FBXW7: variants seen among roughly 807,000 people sequenced by gnomAD.
FBXW7 encodes F-box and WD repeat domain containing 7.
A neutral mutation model predicts 86.3 loss-of-function variants in FBXW7; 11 were observed. The ratio of observed to expected loss-of-function variants is 0.13; its 90% CI spans 0.08 to 0.21. The LOEUF (loss-of-function observed/expected upper bound fraction) is 0.21, where lower values mean the gene tolerates loss of function less well. FBXW7 is among the 10% of genes least tolerant of loss of function. The probability of loss-of-function intolerance (pLI) is 1.00; values close to 1 mark genes in which losing one functional copy is unlikely to be tolerated. For synonymous variants in FBXW7, 313 were observed against 297.9 expected (o/e 1.05, Z -0.52); for missense variants, 488 against 847.4 (o/e 0.58, Z 5.27).
At chr4:152,387,239 C>A (rs1735600262) in intron 4 of FBXW7, among the ~76,000 whole-genome samples, 1 of 152,152 alleles carries the variant, frequency 6.6e-6, no homozygotes, top group African/African-American at 2.4e-5. Context: ...TCTGTGAATT[C>A]AGGCAACAAG....
chr4:152,338,011 A>G (rs890121221), intron 6 of FBXW7, 75 bp from the exon 7 acceptor site: 30 of 1,438,764 alleles, frequency 2.1e-5, no homozygotes, highest in Non-Finnish European at 2.6e-5. Context: ...GAAAACTCAC[A>G]TCTACACACA....
chr4:152,443,603 TA>T (rs1741106813), intron 2 of FBXW7, among the ~76,000 whole-genome samples: 1 of 152,204 alleles, frequency 6.6e-6, no homozygotes, highest in African/African-American at 2.4e-5. Context: ...CAATTCTTTT[TA>T]AAAACTTTGA....
At chr4:152,375,738 TATA>T (rs986752164) in intron 4 of FBXW7, among the ~76,000 whole-genome samples, 1 of 152,126 alleles carries the variant, frequency 6.6e-6, no homozygotes, top group Non-Finnish European at 1.5e-5. Context: ...TGCTTTAAAA[TATA>T]ATGTCTTGTA....
chr4:152,459,408 C>G (rs1029179743), intron 2 of FBXW7, among the ~76,000 whole-genome samples: 2 of 152,162 alleles, frequency 1.3e-5, no homozygotes, highest in Admixed American at 6.5e-5. Flanking sequence ...AGTATCATAG[C>G]CAAATCAGCT....
chr4:152,509,742 G>C (rs892614753), intron 2 of FBXW7, among the ~76,000 whole-genome samples: 1 of 152,130 alleles, frequency 6.6e-6, no homozygotes, highest in East Asian at 1.9e-4. Flanking sequence ...ATACAATTGT[G>C]AAACAATGAC....
intron 2 of FBXW7, among the ~76,000 whole-genome samples, chr4:152,531,525 ATTTT>A (rs920916957): frequency 1.3e-5 from 2 of 151,438 alleles, no homozygotes; most frequent in Non-Finnish European, 2.9e-5. Context: ...AAATGTCTAC[ATTTT>A]TTTAAATGCC....
chr4:152,393,573 G>A (rs76556930), intron 4 of FBXW7, among the ~76,000 whole-genome samples: 2,442 of 152,086 alleles, frequency 0.016, 76 homozygotes, highest in African/African-American at 0.056. Context: ...GCAGCATATC[G>A]GTAAAGTACA....
In FBXW7 at chr4:152,535,274, C is replaced by T. The variant is rs1001035776; in HGVS notation, c.-360G>A. The T allele has an allele frequency of 3.8e-6, 1 of 261,878 alleles. No individual in the cohort carries two copies. The highest frequency in any genetic ancestry group is 7.2e-6 in the Non-Finnish European group (1 of 138,674). The allele number at this position is 261,878 out of a possible 1,614,324, so 16.2% of individuals were successfully genotyped here. ...GGAGGCTGCGGCCGGCCCCCCGGGT[C>T]CCCCCCGGCCCCGCCGCCCTCGGGA... On this transcript the variant is annotated 5_prime_UTR_variant, in exon 1 of 14. Coordinates refer to ENST00000281708, the MANE Select transcript of FBXW7 (RefSeq NM_001349798.2).
intron 2 of FBXW7, among the ~76,000 whole-genome samples, chr4:152,533,049 G>A (rs1750157048): frequency 1.3e-5 from 2 of 152,066 alleles, no homozygotes; most frequent in African/African-American, 4.8e-5. Flanking sequence ...AATTAGCCAG[G>A]CGTGGTAGCA....
At chr4:152,479,554 T>C (rs1386785019) in intron 2 of FBXW7, among the ~76,000 whole-genome samples, 1 of 152,148 alleles carries the variant, frequency 6.6e-6, no homozygotes, top group East Asian at 1.9e-4. Context: ...TCCCACATCC[T>C]AGATTTGTCT....
intron 2 of FBXW7, among the ~76,000 whole-genome samples, chr4:152,440,229 T>C (rs533229903): frequency 1.1e-3 from 171 of 152,302 alleles, no homozygotes; most frequent in Non-Finnish European, 2.1e-3. Flanking sequence ...TTTATAATAA[T>C]GCCACAAGGA....
intron 2 of FBXW7, among the ~76,000 whole-genome samples, chr4:152,509,953 A>T (rs943903693): frequency 6.6e-6 from 1 of 152,214 alleles, no homozygotes; most frequent in East Asian, 1.9e-4. Context: ...TCACACATCC[A>T]TTTAGGCAAT....
chr4:152,397,613 T>G (rs1736527494), intron 4 of FBXW7, among the ~76,000 whole-genome samples: 1 of 148,858 alleles, frequency 6.7e-6, no homozygotes, highest in Admixed American at 6.8e-5. Context: ...TCTTACTGGC[T>G]GTTCATGACT....
At chr4:152,496,196 C>A (rs1045288429) in intron 2 of FBXW7, among the ~76,000 whole-genome samples, 2 of 152,000 alleles carry the variant, frequency 1.3e-5, no homozygotes, top group Non-Finnish European at 2.9e-5. Context: ...CAAACAAAAA[C>A]AACTAAGAAT....
intron 13 of FBXW7, 136 bp from the exon 14 acceptor site, chr4:152,323,285 T>C: frequency 9.6e-7 from 1 of 1,044,950 alleles, no homozygotes; most frequent in Non-Finnish European, 1.3e-6. Flanking sequence ...TAGAAACCCA[T>C]GTCCTCAGTA....
At chr4:152,419,497 ACACACACACACAC>A (rs2126909938) in intron 2 of FBXW7, among the ~76,000 whole-genome samples, 1 of 145,146 alleles carries the variant, frequency 6.9e-6, no homozygotes, top group Non-Finnish European at 1.5e-5. Context: ...TAAGGTAAAC[ACACACACACACAC>A]ACACACACAC....
chr4:152,442,518 G>A (rs971146257), intron 2 of FBXW7, among the ~76,000 whole-genome samples: 3 of 152,320 alleles, frequency 2.0e-5, no homozygotes, highest in Non-Finnish European at 4.4e-5. Context: ...CATTAGGACT[G>A]TAAACTCCAA....
chr4:152,434,094 T>C (rs1740159886), intron 2 of FBXW7, among the ~76,000 whole-genome samples: 2 of 152,184 alleles, frequency 1.3e-5, no homozygotes, highest in Admixed American at 1.3e-4. Context: ...CAACTTTGCA[T>C]ATATGTTGGT....
intron 2 of FBXW7, among the ~76,000 whole-genome samples, chr4:152,515,440 T>C (rs981167067): frequency 6.6e-6 from 1 of 152,032 alleles, no homozygotes; most frequent in African/African-American, 2.4e-5. Context: ...CAACTTAAAA[T>C]GGGGGGAAAA....
Sources: allele counts gnomAD v4.1 joint callset (sites outside exome capture counted in the v4.1 genomes callset), GRCh38; gene constraint gnomAD v4.1.1; transcripts MANE v1.5; gene names NCBI Gene and HGNC (gene_info 2026-07-23, HGNC 2026-07-21).